Variants in STK17B observed in about 807,000 individuals in gnomAD.
STK17B encodes serine/threonine-protein kinase 17B.
A neutral mutation model predicts 42.0 loss-of-function variants in STK17B; 21 were observed. The ratio of observed to expected loss-of-function variants is 0.50; its 90% CI spans 0.35 to 0.72. The LOEUF is 0.72. Among genes scored for constraint, STK17B ranks in the 30% least tolerant of loss-of-function variants. The pLI, the probability that STK17B is intolerant of heterozygous loss-of-function variation, is 0.00. For synonymous variants in STK17B, 143 were observed against 148.4 expected, an observed-to-expected ratio of 0.96 and a Z score of 0.26; for missense variants, 349 against 446.0, an observed-to-expected ratio of 0.78 and a Z score of 1.96.
At chr2:196,170,597 A>G (rs1043283795) in intron 1 of STK17B, among the ~76,000 whole-genome samples, 1 of 152,208 alleles carries the variant, frequency 6.6e-6, no homozygotes, top group African/African-American at 2.4e-5. Context: ...AATTCAAATG[A>G]AACGCTTTTC....
chr2:196,143,396 T>C (rs894682362), intron 5 of STK17B, among the ~76,000 whole-genome samples, 164 bp downstream of exon 5: 24 of 152,252 alleles, frequency 1.6e-4, no homozygotes, highest in African/African-American at 5.8e-4. Context: ...ATTCATTTCA[T>C]TTAAATGTGT....
At chr2:196,155,064 A>T (rs929590208) in intron 3 of STK17B, among the ~76,000 whole-genome samples, 2 of 152,172 alleles carry the variant, frequency 1.3e-5, no homozygotes, top group East Asian at 3.8e-4. Flanking sequence ...GAACCCCCAA[A>T]AGAGGATTTT....
intron 2 of STK17B, among the ~76,000 whole-genome samples, chr2:196,158,844 T>G (rs1699774119): frequency 6.6e-6 from 1 of 151,932 alleles, no homozygotes; most frequent in Admixed American, 6.6e-5. Flanking sequence ...ATCCCGTCTC[T>G]ACTAAAAATA....
intron 1 of STK17B, among the ~76,000 whole-genome samples, chr2:196,164,494 A>C (rs192729148): frequency 1.1e-4 from 16 of 152,370 alleles, no homozygotes; most frequent in Admixed American, 2.6e-4. Flanking sequence ...AATAACAGAT[A>C]CTATATTTCA....
chr2:196,143,448 A>G (rs752647250), intron 5 of STK17B, 112 bp downstream of exon 5: 1 of 1,057,956 alleles, frequency 9.5e-7, no homozygotes, highest in Non-Finnish European at 1.3e-6. Flanking sequence ...TACTTGAACC[A>G]ATCAAATCCT....
intron 3 of STK17B, chr2:196,153,311 G>T (rs1699692978): frequency 6.8e-6 from 1 of 147,924 alleles, no homozygotes. Flanking sequence ...TATTAGTATT[G>T]TTATGCTGAA....
upstream of STK17B, among the ~76,000 whole-genome samples, chr2:196,173,871 C>T (rs570425752): frequency 6.6e-6 from 1 of 151,948 alleles, no homozygotes; most frequent in Non-Finnish European, 1.5e-5. Flanking sequence ...AGAGTATGAC[C>T]GTATGTGGAG....
At chr2:196,175,027 G>C (rs1048047252), upstream of STK17B, among the ~76,000 whole-genome samples, 3 of 152,140 alleles carry the variant, frequency 2.0e-5, no homozygotes, top group African/African-American at 4.8e-5. Flanking sequence ...GAAATGCCAC[G>C]CACATTGGCA....
chr2:196,152,237 G>A (rs1448892628), intron 3 of STK17B, among the ~76,000 whole-genome samples: 1 of 151,968 alleles, frequency 6.6e-6, no homozygotes, highest in Middle Eastern at 3.2e-3. Flanking sequence ...CTCCTGAGTA[G>A]CTGGGACTAC....
intron 1 of STK17B, among the ~76,000 whole-genome samples, chr2:196,169,802 G>A (rs548509773): frequency 7.3e-4 from 111 of 152,100 alleles, no homozygotes; most frequent in African/African-American, 2.5e-3. Flanking sequence ...CACAAAAAAG[G>A]ATGGTCTTCA....
chr2:196,152,261 C>A (rs1699675691), intron 3 of STK17B, among the ~76,000 whole-genome samples: 1 of 152,226 alleles, frequency 6.6e-6, no homozygotes, highest in African/African-American at 2.4e-5. Flanking sequence ...CATGCGCCAA[C>A]ACGCCCGGCT....
At chr2:196,160,337 T>C (rs1311752487) in intron 2 of STK17B, among the ~76,000 whole-genome samples, 3 of 152,146 alleles carry the variant, frequency 2.0e-5, no homozygotes, top group African/African-American at 7.2e-5. Flanking sequence ...TATGAAACCT[T>C]TGCCTCAGTT....
chr2:196,146,295 T>C (rs1238917504), intron 3 of STK17B, among the ~76,000 whole-genome samples: 1 of 151,992 alleles, frequency 6.6e-6, no homozygotes, highest in Non-Finnish European at 1.5e-5. Context: ...TCACTGAAGG[T>C]TGGGAGTTCG....
rs184565194 is a variant in STK17B, at chr2:196,170,186, A to G, written c.-45+1147T>C. ...GTGTTATCAATGAGAAAGTAGGTTT[A>G]TTTTCCTTTAATAAAATTGTGCTCC... On this transcript the variant is annotated intron_variant, in intron 1 of 7. Transcript: ENST00000263955. 3.9e-4 allele frequency among the ~76,000 whole-genome samples: 59 copies of G among 152,118 alleles called. 2 individuals carry two copies. Among genetic ancestry groups the G allele is most frequent in the Non-Finnish European group, 5.1e-4 (35 of 68,036 alleles).
chr2:196,134,318 G>GGGGCGGTGGC lies in STK17B; in HGVS notation c.*3128_*3129insGCCACCGCCC, dbSNP rs1404374424. ...CACGACCGGGCTGCATAGAAGGTGGGGGGCGGTGCCAAGCATTACTGCCTG... is the reference window on the plus strand; with the variant it reads ...CACGACCGGGCTGCATAGAAGGTGGGGGGCGGTGGCGGGCGGTGCCAAGCATTACTGCCTG... On this transcript the variant is annotated 3_prime_UTR_variant, in exon 8 of 8. Coordinates refer to ENST00000263955, the MANE Select transcript of STK17B (RefSeq NM_004226.4). The GGGGCGGTGGC allele has an allele frequency of 6.6e-6, 1 of 152,174 alleles. No individual in the cohort carries two copies. The highest frequency in any genetic ancestry group is 1.9e-4 in the East Asian group (1 of 5,198). 9.4% of individuals were successfully genotyped at this position (152,174 alleles called of 1,614,324 possible).
intron 1 of STK17B, among the ~76,000 whole-genome samples, chr2:196,170,062 T>TA (rs1699920525): frequency 6.6e-6 from 1 of 152,164 alleles, no homozygotes; most frequent in Non-Finnish European, 1.5e-5. Flanking sequence ...CCAGTTTTCT[T>TA]AAAAAATACA....
intron 2 of STK17B, among the ~76,000 whole-genome samples, chr2:196,160,110 AG>A (rs761851136): frequency 1.3e-5 from 2 of 152,234 alleles, no homozygotes; most frequent in Non-Finnish European, 2.9e-5. Flanking sequence ...ATTTAAGAAA[AG>A]TTAAAGCATT....
chr2:196,144,065 C>T (rs1003559396), intron 4 of STK17B, among the ~76,000 whole-genome samples: 3 of 151,124 alleles, frequency 2.0e-5, no homozygotes, highest in Non-Finnish European at 4.4e-5. Flanking sequence ...TAGCTGGGTA[C>T]GGTGGTGTCA....
chr2:196,150,914 C>T (rs184825199), intron 3 of STK17B, among the ~76,000 whole-genome samples: 53 of 152,264 alleles, frequency 3.5e-4, no homozygotes, highest in Middle Eastern at 3.4e-3. Flanking sequence ...AATGAGAATA[C>T]AGATAACGTG....
Sources: gnomAD v4.1 joint callset for allele counts (sites outside exome capture counted in the v4.1 genomes callset) on GRCh38, gnomAD v4.1.1 for gene constraint, MANE v1.5 for transcripts, NCBI Gene and HGNC (gene_info 2026-07-23, HGNC 2026-07-21) for gene names.